Variants in OAS2 observed in about 807,000 individuals in gnomAD.
The protein encoded by OAS2 is 2'-5'-oligoadenylate synthase 2.
In OAS2, 67 loss-of-function variants were observed where a neutral mutation model predicts 71.3. That is an observed-to-expected ratio of 0.94 (90% CI 0.77 to 1.15). The LOEUF (loss-of-function observed/expected upper bound fraction) is 1.15. OAS2 is among the 50% of genes most tolerant of loss of function. The pLI, the probability that OAS2 is intolerant of heterozygous loss-of-function variation, is 0.00. For missense variants in OAS2, 789 were observed against 822.5 expected (o/e 0.96, Z 0.50); for synonymous variants, 327 against 321.8 (o/e 1.02, Z -0.17).
chr12:112,998,038 G>A (rs1382533329), intron 4 of OAS2, among the ~76,000 whole-genome samples: 2 of 152,212 alleles, frequency 1.3e-5, no homozygotes, highest in Non-Finnish European at 2.9e-5. Flanking sequence ...ATGGGGGGCA[G>A]GAAGAGGAGA....
chr12:113,003,497 A>C (rs951171099), intron 6 of OAS2, among the ~76,000 whole-genome samples: 1 of 152,136 alleles, frequency 6.6e-6, no homozygotes, highest in Non-Finnish European at 1.5e-5. Context: ...CCAGGTCCTT[A>C]ACTCAGTTAC....
chr12:112,983,090 C>T lies in OAS2; in HGVS notation c.178-3948C>T, dbSNP rs117075319. ...TTTTTAGTCTATTTAGTCTAAGTAGCGGTTCATCCATTTTGTTTATCTTTT... is the reference window on the plus strand; with the variant it reads ...TTTTTAGTCTATTTAGTCTAAGTAGTGGTTCATCCATTTTGTTTATCTTTT... On this transcript the variant is annotated intron_variant, in intron 1 of 9. Transcript: ENST00000392583. Among the ~76,000 whole-genome samples, 16 of 152,090 alleles carry T rather than the reference C, an allele frequency of 1.1e-4. No individual in the cohort carries two copies. The East Asian group carries it at 1.4e-3, about 13-fold the overall frequency.
chr12:113,005,702 A>AAAATAAAT (rs145453265), intron 7 of OAS2, among the ~76,000 whole-genome samples: 27 of 147,102 alleles, frequency 1.8e-4, no homozygotes, highest in African/African-American at 6.9e-4. Context: ...CTTCATCCCA[A>AAAATAAAT]AAATAAATAA....
At chr12:113,004,839 A>G (rs1462717479) in intron 6 of OAS2, 95 bp from the exon 7 acceptor site, 2 of 1,292,954 alleles carry the variant, frequency 1.5e-6, no homozygotes, top group African/African-American at 3.0e-5. Context: ...TGGCCTTGGA[A>G]ACAGTGTCAG....
At position 113,010,233 on chromosome 12, in the gene OAS2, T is replaced by C; in HGVS notation, c.*978T>C. ...TTAGCTCTAATTATTAAGATATGCA[T>C]TATAAATAAATACCAAAAAATTGTC... On this transcript the variant is annotated 3_prime_UTR_variant, in exon 10 of 10. Transcript: ENST00000392583. 2 of 1,470,138 alleles carry C rather than the reference T, an allele frequency of 1.4e-6. No homozygotes were observed. The highest frequency in any genetic ancestry group is 4.7e-5 in the East Asian group (2 of 42,170). 91.1% of individuals were successfully genotyped at this position (1,470,138 alleles called of 1,614,324 possible). A position where few individuals can be genotyped will look rare whatever the true frequency, so the allele number is the denominator to read the frequency against.
rs763425188 is a variant in OAS2 at position 113,003,091 on chromosome 12, C to T, written c.1168C>T (p.Gln390Ter). ...CTTCCGACAATCAACAGCCAAGATC[C>T]AGATTGTCCGGGTGAGCACTGGCCT... The part of the protein sequence containing the change: ...NCFRQSTAKI[Q>*]IVRGGSTAKG... The change falls in exon 6 of 10, where the codon CAG (glutamine) becomes TAG (stop). Residue 390 changes from glutamine to a stop codon, truncating the protein, a stop_gained. Coordinates refer to ENST00000392583, the MANE Select transcript of OAS2 (RefSeq NM_002535.3). LOFTEE classifies it high-confidence loss of function. 2 of 1,614,126 alleles carry T rather than the reference C, an allele frequency of 1.2e-6. No individual in the cohort carries two copies. The highest frequency in any genetic ancestry group is 8.5e-7 in the Non-Finnish European group (1 of 1,179,990).
chr12:113,007,578 A>T (rs745357897), intron 8 of OAS2, 127 bp from the exon 9 acceptor site: 17 of 758,208 alleles, frequency 2.2e-5, no homozygotes, highest in South Asian at 2.0e-4. Context: ...CAATTTAGAC[A>T]TCCAAGCTGC....
rs201568741 is a variant in OAS2 at position 113,007,720 on chromosome 12, A to G, written c.1672A>G (p.Lys558Glu). 32 of 1,614,018 alleles carry G rather than the reference A, an allele frequency of 2.0e-5. No homozygotes were observed. The highest frequency in any genetic ancestry group is 1.7e-4 in the Middle Eastern group (1 of 6,050). Reference protein sequence around the residue: ...HWYKECERKLKPKGSLPPKYA... With the variant: ...HWYKECERKLEPKGSLPPKYA... ...TCTTACCTAGTGTGAAAGGAAACTG[A>G]AGCCAAAGGGGTCTTTGCCCCCAAA... Residue 558 changes from lysine (K) to glutamate (E), a missense_variant, in exon 9 of 10, where the codon AAG becomes GAG. Physicochemically the swap from Lys to Glu is moderately conservative, Grantham distance 56 (BLOSUM62 1). Transcript: ENST00000392583.
In OAS2 at chr12:113,005,152, C is replaced by T; in HGVS notation, c.1398C>T (p.Ser466=). ...PPKWKAPRVL[S]FSLKSKVLNE... ...AGTGGAAGGCTCCCAGGGTGCTGAG[C>T]TTCTCTCTGAAATCCAAAGTCCTCA... The change falls in exon 7 of 10, where the codon AGC becomes AGT. Residue 466 remains serine, a synonymous_variant. Coordinates refer to ENST00000392583, the MANE Select transcript of OAS2 (RefSeq NM_002535.3). 6.2e-7 allele frequency: 1 copy of T among 1,614,118 alleles called. No homozygotes were observed.
chr12:113,002,055 T>A (rs2044295257), intron 5 of OAS2, among the ~76,000 whole-genome samples: 1 of 151,900 alleles, frequency 6.6e-6, no homozygotes, highest in Admixed American at 6.6e-5. Context: ...TGGGTTAGAA[T>A]CATGGGTTGG....
Position 113,002,924 on chromosome 12 carries a change from T to C in OAS2, c.1009-8T>C. On this transcript the variant is annotated splice_polypyrimidine_tract_variant and splice_region_variant and intron_variant, in intron 5 of 9. Transcript: ENST00000392583. ...CACTCACACTTGGGGTCTTCCTTCC[T>C]TCCCCAGCCTGCACCACTCTTCACG... The C allele has an allele frequency of 6.2e-7, 1 of 1,613,524 alleles. No homozygotes were observed. Among genetic ancestry groups the C allele is most frequent in the East Asian group, 2.2e-5 (1 of 44,874 alleles).
chr12:112,978,577 T>G lies in OAS2; in HGVS notation c.-32T>G, dbSNP rs1393324760. ...AATTCCTCTGCCTCCCATCCTACCA[T>G]TCACTGTCTTGCCGGCAGCCAGCTG... On this transcript the variant is annotated 5_prime_UTR_variant, in exon 1 of 10. Transcript: ENST00000392583. The surrounding 1 kb of genome is among the most constrained non-coding windows in gnomAD (Gnocchi z 4.2). The G allele has an allele frequency of 6.2e-7, 1 of 1,612,188 alleles. No individual in the cohort carries two copies. The highest frequency in any genetic ancestry group is 8.5e-7 in the Non-Finnish European group (1 of 1,178,746).
rs144979086 is a variant in OAS2 at position 112,997,634 on chromosome 12, G to A, written c.742G>A (p.Val248Ile). 7.3e-5 allele frequency: 118 copies of A among 1,614,130 alleles called. No individual in the cohort carries two copies. In the African/African-American group the frequency reaches 1.2e-3, roughly 16 times the overall value. Residue 248 changes from valine (V) to isoleucine (I), a missense_variant, in exon 4 of 10, where the codon GTC becomes ATC. Physicochemically the swap from Val to Ile is conservative, Grantham distance 29. Transcript: ENST00000392583. Reference sequence around the variant, plus strand: ...AGACAACTTTGACATTGCTGAAGGCGTCAGAACCGTACTGGAGCTGATCAA... The same window carrying A: ...AGACAACTTTGACATTGCTGAAGGCATCAGAACCGTACTGGAGCTGATCAA... ...RKDNFDIAEG[V>I]RTVLELIKCQ...
chr12:113,004,937 G>A lies in OAS2; in HGVS notation c.1183G>A (p.Gly395Arg). 1 of 1,613,754 alleles carries A rather than the reference G, an allele frequency of 6.2e-7. No homozygotes were observed. The highest frequency in any genetic ancestry group is 1.3e-5 in the African/African-American group (1 of 74,992). ...TCAACCTTCCTTTCTTCCTTAGGGA[G>A]GATCAACCGCCAAAGGCACAGCTCT... ...STAKIQIVRG[G>R]STAKGTALKT... Residue 395 changes from glycine (G) to arginine (R), a missense_variant, in exon 7 of 10, where the codon GGA (glycine) becomes AGA (arginine). By Grantham distance (125) the Gly-to-Arg change is moderately radical (BLOSUM62 -2). Transcript: ENST00000392583.
chr12:112,984,928 T>C (rs1419368075), intron 1 of OAS2, among the ~76,000 whole-genome samples: 1 of 147,306 alleles, frequency 6.8e-6, no homozygotes, highest in Non-Finnish European at 1.5e-5. Context: ...CTGGGTATCG[T>C]ATTCTTGTCT....
At position 113,005,097 on chromosome 12, in the gene OAS2, A is replaced by G. The variant is rs1291084150; in HGVS notation, c.1343A>G (p.Glu448Gly). The change falls in exon 7 of 10, where the codon GAG becomes GGG. Residue 448 changes from glutamate to glycine, a missense_variant. By Grantham distance (98) the Glu-to-Gly change is moderately conservative. Coordinates refer to ENST00000392583, the MANE Select transcript of OAS2 (RefSeq NM_002535.3). ...AAAGCCTTTTGGAGGGAGAAGGAGG[A>G]GGAGCTTGAAGTCAGCTTTGAGCCT... ...QLKAFWREKE[E>G]ELEVSFEPPK... The G allele has an allele frequency of 6.2e-7, 1 of 1,614,134 alleles. No homozygotes were observed. The highest frequency in any genetic ancestry group is 8.5e-7 in the Non-Finnish European group (1 of 1,180,006).
chr12:112,987,145 T>C lies in OAS2; in HGVS notation c.285T>C (p.Arg95=), dbSNP rs776623605. 3 of 1,614,212 alleles carry C rather than the reference T, an allele frequency of 1.9e-6. No individual in the cohort carries two copies. Among genetic ancestry groups the C allele is most frequent in the Non-Finnish European group, 2.5e-6 (3 of 1,180,024 alleles). ...TCCAGGATCAGAAGAGAAGCCAACGTGACATCCTCGATAAAACTGGGGATA... is the reference window on the plus strand; with the variant it reads ...TCCAGGATCAGAAGAGAAGCCAACGCGACATCCTCGATAAAACTGGGGATA... ...KQFQDQKRSQ[R]DILDKTGDKL... Residue 95 remains arginine (R), a synonymous_variant, in exon 2 of 10, where the codon CGT becomes CGC. Coordinates refer to ENST00000392583, the MANE Select transcript of OAS2 (RefSeq NM_002535.3).
rs550450203 is a variant in OAS2, at chr12:113,009,796, A to G, written c.*541A>G. On this transcript the variant is annotated 3_prime_UTR_variant, in exon 10 of 10. Transcript: ENST00000392583. ...CTGTAACTTGAAGGTGGCTACAAAG[A>G]TGACTGTGGACGTGGGTTGCACTGG... The G allele has an allele frequency of 1.0e-6, 1 of 986,914 alleles. No individual in the cohort carries two copies. Among genetic ancestry groups the G allele is most frequent in the South Asian group, 4.7e-5 (1 of 21,322 alleles). The allele number at this position is 986,914 out of a possible 1,614,324, so 61.1% of individuals were successfully genotyped here.
At position 112,978,836 on chromosome 12, in the gene OAS2, G is replaced by A. The variant is rs776275918; in HGVS notation, c.177+51G>A. ...TCTGGGAGGCAGGAGATTCCACGGC[G>A]GCAGCAAGGCCGAGCTACTGGGTGC... On this transcript the variant is annotated intron_variant, in intron 1 of 9. Coordinates refer to ENST00000392583, the MANE Select transcript of OAS2 (RefSeq NM_002535.3). This position sits in a 1 kb window ranked among gnomAD's most constrained non-coding sequence, Gnocchi z 4.2. 1.3e-5 allele frequency: 21 copies of A among 1,558,398 alleles called. No individual in the cohort carries two copies. The highest frequency in any genetic ancestry group is 2.4e-5 in the South Asian group (2 of 84,830).
Sources: gnomAD v4.1 joint callset for allele counts (sites outside exome capture counted in the v4.1 genomes callset) on GRCh38, gnomAD v4.1.1 for gene constraint, Gnocchi (gnomAD v3.1) non-coding constraint, MANE v1.5 for transcripts, NCBI Gene and HGNC (gene_info 2026-07-23, HGNC 2026-07-21) for gene names.